CYP24A1: variants seen among roughly 807,000 people sequenced by gnomAD.
CYP24A1 encodes 1,25-dihydroxyvitamin D(3) 24-hydroxylase, mitochondrial.
CYP24A1 carries 68 observed loss-of-function variants against 62.4 expected under a neutral mutation model. The ratio of observed to expected loss-of-function variants is 1.09; its 90% CI spans 0.90 to 1.33. The LOEUF is 1.33. Ranked by LOEUF, CYP24A1 falls within the 40% of genes most tolerant of loss-of-function variation. The pLI, the probability that CYP24A1 is intolerant of heterozygous loss-of-function variation, is 0.00. For missense variants in CYP24A1, 787 were observed against 653.0 expected (o/e 1.21, Z -2.24); for synonymous variants, 267 against 253.0 (o/e 1.06, Z -0.52).
intron 8 of CYP24A1, 47 bp from the exon 9 acceptor site, chr20:54,158,211 C>T (rs766484716): frequency 1.2e-6 from 2 of 1,610,738 alleles, no homozygotes; most frequent in South Asian, 2.2e-5. Flanking sequence ...AGTCTAAGTT[C>T]TCTCTGAAGT....
At chr20:54,165,912 C>G in intron 4 of CYP24A1, 79 bp from the exon 5 acceptor site, 1 of 865,656 alleles carries the variant, frequency 1.2e-6, no homozygotes, top group Non-Finnish European at 2.0e-6. Context: ...TTATTAAAGA[C>G]TCAATTCTAT....
chr20:54,150,109 A>G (rs1016563813), downstream of CYP24A1, among the ~76,000 whole-genome samples: 1 of 152,208 alleles, frequency 6.6e-6, no homozygotes. Flanking sequence ...TTTTTCACAA[A>G]AAAATTTGCA....
Position 54,153,907 on chromosome 20 carries a change from C to T in CYP24A1, c.*865G>A, listed in dbSNP as rs1463156974. 1 of 152,474 alleles carries T rather than the reference C, an allele frequency of 6.6e-6. No homozygotes were observed. Among genetic ancestry groups the T allele is most frequent in the Non-Finnish European group, 1.5e-5 (1 of 68,028 alleles). 9.4% of individuals were successfully genotyped at this position (152,474 alleles called of 1,614,324 possible). On this transcript the variant is annotated 3_prime_UTR_variant, in exon 12 of 12. Coordinates refer to ENST00000216862, the MANE Select transcript of CYP24A1 (RefSeq NM_000782.5). ...ACAGAAAAATTATGGCATGGGAAAT[C>T]ATTTTATAATATTAAAGTCACACTG...
Position 54,173,255 on chromosome 20 carries a change from G to T in CYP24A1, c.258+67C>A. 1 of 1,538,732 alleles carries T rather than the reference G, an allele frequency of 6.5e-7. No homozygotes were observed. The highest frequency in any genetic ancestry group is 1.1e-5 in the South Asian group (1 of 88,278). Reference sequence around the variant, plus strand: ...GCGCCCGAGGCGCGCATGTCGGGGAGGGTTTGGAGCGCCACTGGGAGGGCG... The same window carrying T: ...GCGCCCGAGGCGCGCATGTCGGGGATGGTTTGGAGCGCCACTGGGAGGGCG... On this transcript the variant is annotated intron_variant, in intron 1 of 11. Transcript: ENST00000216862. The surrounding 1 kb of genome is among the most constrained non-coding windows in gnomAD (Gnocchi z 7.2).
chr20:54,159,978 G>A (rs907058356), intron 7 of CYP24A1, among the ~76,000 whole-genome samples: 1 of 152,178 alleles, frequency 6.6e-6, no homozygotes, highest in Non-Finnish European at 1.5e-5. Flanking sequence ...AACAGAGAGG[G>A]ATGGTGATCC....
rs1251252959 is a variant in CYP24A1, at chr20:54,158,102, T to G, written c.1220A>C (p.Tyr407Ser). ...TLDKATVLGE[Y>S]ALPKGTVLML... ...TCTACTTACTCCTTTGGGTAAAGCA[T>G]ATTCACCCAGAACTGTTGCCTTGTC... Residue 407 changes from tyrosine to serine, a missense_variant, in exon 9 of 12, where the codon TAT (tyrosine) becomes TCT (serine). Tyr to Ser is a moderately radical substitution (Grantham distance 144). Transcript: ENST00000216862. 6.2e-7 allele frequency: 1 copy of G among 1,613,976 alleles called. No homozygotes were observed. The highest frequency in any genetic ancestry group is 8.5e-7 in the Non-Finnish European group (1 of 1,180,010).
At position 54,173,478 on chromosome 20, in the gene CYP24A1, C is replaced by T. The variant is rs1223837191; in HGVS notation, c.102G>A (p.Thr34=). ...PPRLVTSTAY[T]SPQPREVPVC... is the part of the protein sequence containing the mutation. ...CTGGCACCTCTCGCGGCTGAGGGGA[C>T]GTGTACGCCGTAGATGTCACCAGTC... is the stretch of plus-strand genomic sequence containing the variant. Residue 34 remains threonine, a synonymous_variant, in exon 1 of 12, where the codon ACG becomes ACA. Transcript: ENST00000216862. The surrounding 1 kb of genome is among the most constrained non-coding windows in gnomAD (Gnocchi z 7.2). 8.3e-6 allele frequency: 13 copies of T among 1,565,024 alleles called. 1 individual carries two copies. The Middle Eastern group carries it at 1.0e-3, about 120-fold the overall frequency.
In CYP24A1 at chr20:54,157,592, A is replaced by C; in HGVS notation, c.1237-7T>G. On this transcript the variant is annotated splice_polypyrimidine_tract_variant and splice_region_variant and intron_variant, in intron 9 of 11. Transcript: ENST00000216862. ...TATTTAGCATGAGCACTGTCTAAAC[A>C]CATGCAGAGACACATAGTATTTAAA... 6.9e-7 allele frequency: 1 copy of C among 1,457,262 alleles called. No individual in the cohort carries two copies. The highest frequency in any genetic ancestry group is 9.6e-7 in the Non-Finnish European group (1 of 1,037,644). The allele number at this position is 1,457,262 out of a possible 1,614,324, so 90.3% of individuals were successfully genotyped here. A position where few individuals can be genotyped will look rare whatever the true frequency, so the allele number is the denominator to read the frequency against.
Position 54,157,219 on chromosome 20 carries a change from ACCAGGGTG to A in CYP24A1, c.1497_1504del (p.Thr500AlafsTer59), listed in dbSNP as rs758305291. ...CGCGATGGGGAGTTCCCGGCTGGGC[ACCAGGGTG>A]CCTGAGTGTAGCATCTCAACAGGCT... is the stretch of plus-strand genomic sequence containing the variant. On this transcript the variant is annotated frameshift_variant, in exon 11 of 12. Transcript: ENST00000216862. LOFTEE classifies it high-confidence loss of function. 7.4e-6 allele frequency: 12 copies of A among 1,613,078 alleles called. No individual in the cohort carries two copies. The African/African-American group carries it at 1.6e-4, about 22-fold the overall frequency.
chr20:54,173,440 G>C lies in CYP24A1; in HGVS notation c.140C>G (p.Thr47Arg). 1 of 1,569,324 alleles carries C rather than the reference G, an allele frequency of 6.4e-7. No individual in the cohort carries two copies. Among genetic ancestry groups the C allele is most frequent in the Non-Finnish European group, 8.6e-7 (1 of 1,156,872 alleles). Reference protein sequence around the residue: ...QPREVPVCPLTAGGETQNAAA... With the variant: ...QPREVPVCPLRAGGETQNAAA... ...CGCGTTCTGAGTCTCGCCACCAGCTGTCAGCGGGCAGACTGGCACCTCTCG... is the reference window on the plus strand; with the variant it reads ...CGCGTTCTGAGTCTCGCCACCAGCTCTCAGCGGGCAGACTGGCACCTCTCG... Residue 47 changes from threonine (T) to arginine (R), a missense_variant, in exon 1 of 12, where the codon ACA becomes AGA. Transcript: ENST00000216862. This position sits in a 1 kb window ranked among gnomAD's most constrained non-coding sequence, Gnocchi z 7.2.
At chr20:54,169,530 G>T in intron 4 of CYP24A1, 62 bp downstream of exon 4, 1 of 1,611,984 alleles carries the variant, frequency 6.2e-7, no homozygotes, top group Non-Finnish European at 8.5e-7. Context: ...TGTCAAAAGA[G>T]CCATGTTTTA....
At chr20:54,160,309 C>T (rs1315525476) in intron 7 of CYP24A1, among the ~76,000 whole-genome samples, 2 of 152,198 alleles carry the variant, frequency 1.3e-5, no homozygotes, top group Non-Finnish European at 1.5e-5. Context: ...TGGAAACAGC[C>T]AATGTAGCTT....
intron 11 of CYP24A1, among the ~76,000 whole-genome samples, chr20:54,155,557 C>A (rs2146457802): frequency 6.6e-6 from 1 of 151,958 alleles, no homozygotes; most frequent in East Asian, 1.9e-4. Context: ...CATAATGAAA[C>A]CCCATCTCTA....
chr20:54,169,735 G>A (rs2092687701), intron 3 of CYP24A1, 47 bp from the exon 4 acceptor site: 3 of 1,611,878 alleles, frequency 1.9e-6, no homozygotes, highest in Non-Finnish European at 1.7e-6. Flanking sequence ...GCCGTTGAAG[G>A]AAAACAAAAC....
chr20:54,169,679 C>A lies in CYP24A1; in HGVS notation c.553G>T (p.Asp185Tyr), dbSNP rs1310649468. The stretch of plus-strand genomic sequence containing the variant: ...AGCTCATCTATTCTGCCCATAAAAT[C>A]GGCCAAGACCTTCAAAGAAAACAAC... ...LDNKINEVLA[D>Y]FMGRIDELCD... Residue 185 changes from aspartate (D) to tyrosine (Y), a missense_variant, in exon 4 of 12, where the codon GAT (aspartate) becomes TAT (tyrosine). By Grantham distance (160) the Asp-to-Tyr change is radical (BLOSUM62 -3). Coordinates refer to ENST00000216862, the MANE Select transcript of CYP24A1 (RefSeq NM_000782.5). 3.1e-6 allele frequency: 5 copies of A among 1,614,096 alleles called. No homozygotes were observed. The highest frequency in any genetic ancestry group is 2.2e-5 in the South Asian group (2 of 91,074).
At chr20:54,163,834 G>A (rs1042650996) in intron 6 of CYP24A1, among the ~76,000 whole-genome samples, 1 of 152,148 alleles carries the variant, frequency 6.6e-6, no homozygotes, top group African/African-American at 2.4e-5. Flanking sequence ...GTCCATTTTA[G>A]AGACAAGGCA....
the CYP24A1 span, among the ~76,000 whole-genome samples, chr20:54,148,361 G>GACACACAC: frequency 1.4e-5 from 1 of 70,054 alleles, no homozygotes. Flanking sequence ...TACATACACA[G>GACACACAC]ACACACAGAC....
chr20:54,160,756 G>A (rs1044392137), intron 7 of CYP24A1, among the ~76,000 whole-genome samples: 2 of 152,196 alleles, frequency 1.3e-5, no homozygotes, highest in African/African-American at 2.4e-5. Flanking sequence ...GTCCCTCACC[G>A]CAAGTACCAA....
intron 4 of CYP24A1, among the ~76,000 whole-genome samples, chr20:54,168,979 CT>C (rs1318491312): frequency 2.0e-5 from 3 of 151,666 alleles, no homozygotes; most frequent in Non-Finnish European, 4.4e-5. Flanking sequence ...CTCACTTTAG[CT>C]TCAGCGTCCC....
Sources: allele counts gnomAD v4.1 joint callset (sites outside exome capture counted in the v4.1 genomes callset), GRCh38; gene constraint gnomAD v4.1.1; non-coding constraint Gnocchi (gnomAD v3.1); transcripts MANE v1.5; gene names NCBI Gene and HGNC (gene_info 2026-07-23, HGNC 2026-07-21).